The following FGFR1 variants were observed in gnomAD, a reference collection of about 807,000 sequenced individuals.
FGFR1 encodes the protein fibroblast growth factor receptor 1.
A neutral mutation model predicts 93.7 loss-of-function variants in FGFR1; 18 were observed. The ratio of observed to expected loss-of-function variants is 0.19; its 90% confidence interval spans 0.13 to 0.28. The LOEUF (loss-of-function observed/expected upper bound fraction) is 0.28. FGFR1 is among the 10% of genes least tolerant of loss of function. The probability of loss-of-function intolerance (pLI) is 1.00; values close to 1 mark genes in which losing one functional copy is unlikely to be tolerated. For synonymous variants in FGFR1, 448 were observed against 429.3 expected, an observed-to-expected ratio of 1.04 and a Z score of -0.54; for missense variants, 731 against 1,080.4, an observed-to-expected ratio of 0.68 and a Z score of 4.53.
chr8:38,457,568 G>A (rs781387575), intron 1 of FGFR1, 34 bp from the exon 2 acceptor site: 9 of 1,545,990 alleles, frequency 5.8e-6, no homozygotes, highest in Non-Finnish European at 7.0e-6. Context: ...AAAGTTAGGA[G>A]GGTCTAGGTA....
At chr8:38,467,844 G>A (rs1354867690) in intron 1 of FGFR1, 137 bp downstream of exon 1, 1 of 231,526 alleles carries the variant, frequency 4.3e-6, no homozygotes, top group Admixed American at 5.7e-5. Flanking sequence ...GAGGTGAAAG[G>A]GGCGGGCGGC....
At chr8:38,457,611 A>G (rs2151357340) in intron 1 of FGFR1, 77 bp from the exon 2 acceptor site, 1 of 1,434,716 alleles carries the variant, frequency 7.0e-7, no homozygotes, top group South Asian at 1.3e-5. Context: ...AAGGTAAAGT[A>G]TGCCATGTGG....
At chr8:38,414,694 G>A (rs1486723585) in intron 14 of FGFR1, 65 bp from the exon 15 acceptor site, 2 of 1,613,240 alleles carry the variant, frequency 1.2e-6, no homozygotes, top group African/African-American at 2.7e-5. Context: ...AGGTGGGAAG[G>A]GACTGGGGGG....
In FGFR1 at chr8:38,414,911, GAGGA is replaced by G. The variant is rs751366805; in HGVS notation, c.1855-14_1855-11del. ...GGTCTCGGTGTATGCACTGAGGAAG[GAGGA>G]AGGGAGAGCGGGAGGCGGGGAGGTG... On this transcript the variant is annotated splice_polypyrimidine_tract_variant and intron_variant, in intron 13 of 17. Transcript: ENST00000447712. The G allele has an allele frequency of 7.5e-6, 12 of 1,610,172 alleles. No homozygotes were observed. In the Admixed American group the frequency reaches 1.0e-4, roughly 13 times the overall value.
chr8:38,442,836 A>G (rs949264619), intron 2 of FGFR1, among the ~76,000 whole-genome samples: 1 of 152,206 alleles, frequency 6.6e-6, no homozygotes, highest in African/African-American at 2.4e-5. Flanking sequence ...CAAGCCCGAC[A>G]TGGGTGCTTG....
In FGFR1 at chr8:38,424,755, G is replaced by T. The variant is rs1009258549; in HGVS notation, c.746-56C>A. The T allele has an allele frequency of 6.3e-7, 1 of 1,576,240 alleles. No homozygotes were observed. Among genetic ancestry groups the T allele is most frequent in the Non-Finnish European group, 8.7e-7 (1 of 1,154,720 alleles). On this transcript the variant is annotated intron_variant, in intron 6 of 17. Transcript: ENST00000447712. The surrounding 1 kb of genome is among the most constrained non-coding windows in gnomAD (Gnocchi z 4.3). ...ATGGGGACCTTGCCATGGCTAAAGA[G>T]GGGTGGGCTCACCTGCGCCCCACTT... is the stretch of plus-strand genomic sequence containing the variant.
At chr8:38,421,656 G>A (rs933796121) in intron 8 of FGFR1, 141 bp downstream of exon 8, 1 of 893,370 alleles carries the variant, frequency 1.1e-6, no homozygotes, top group Non-Finnish European at 1.9e-6. Flanking sequence ...CCTCAAAGCT[G>A]GGGCAGGATG....
intron 2 of FGFR1, among the ~76,000 whole-genome samples, chr8:38,452,792 T>A (rs546574001): frequency 1.3e-5 from 2 of 152,010 alleles, no homozygotes; most frequent in Non-Finnish European, 2.9e-5. Context: ...CTGGCCAACA[T>A]GGTGAAACCC....
At chr8:38,416,686 C>G (rs888450099) in intron 12 of FGFR1, among the ~76,000 whole-genome samples, 1 of 151,242 alleles carries the variant, frequency 6.6e-6, no homozygotes, top group African/African-American at 2.4e-5. Context: ...AACTCCTGAC[C>G]TCAAGTGATC....
chr8:38,444,474 C>CACCT (rs2151166604), intron 2 of FGFR1, among the ~76,000 whole-genome samples: 1 of 151,874 alleles, frequency 6.6e-6, no homozygotes, highest in Non-Finnish European at 1.5e-5. Context: ...CTGCAGCCTC[C>CACCT]ACCTCCCTGG....
At chr8:38,464,901 G>A (rs1835173503) in intron 1 of FGFR1, among the ~76,000 whole-genome samples, 1 of 152,190 alleles carries the variant, frequency 6.6e-6, no homozygotes, top group South Asian at 2.1e-4. Flanking sequence ...GAAGCCGGCT[G>A]CTAAACCCCC....
At chr8:38,435,101 C>A (rs1473432711) in intron 2 of FGFR1, 1 of 152,178 alleles carries the variant, frequency 6.6e-6, no homozygotes, top group Non-Finnish European at 1.5e-5. Context: ...AACTCCTGAC[C>A]TCAGATGAGC....
In FGFR1 at chr8:38,424,496, G is replaced by A. The variant is rs776478746; in HGVS notation, c.936+13C>T. On this transcript the variant is annotated intron_variant, in intron 7 of 17. Transcript: ENST00000447712. This position sits in a 1 kb window ranked among gnomAD's most constrained non-coding sequence, Gnocchi z 4.3. The stretch of plus-strand genomic sequence containing the variant: ...CCAGTAGACTGGCCCACGAAGACTG[G>A]TGCCATGATTACCTTCAAGATCTGG... The A allele has an allele frequency of 8.1e-6, 13 of 1,613,982 alleles. 1 individual carries two copies. In the South Asian group the frequency reaches 1.1e-4, roughly 14 times the overall value.
At chr8:38,462,376 C>T (rs1340155851) in intron 1 of FGFR1, among the ~76,000 whole-genome samples, 2 of 151,702 alleles carry the variant, frequency 1.3e-5, no homozygotes, top group South Asian at 2.1e-4. Flanking sequence ...CAGTGGCGCG[C>T]GCCTGTAGTC....
intron 1 of FGFR1, chr8:38,463,172 C>G: frequency 6.2e-6 from 1 of 162,128 alleles, no homozygotes. Context: ...TCCCAAAGTG[C>G]TGGGATTACA....
At chr8:38,440,601 A>C (rs1241992169) in intron 2 of FGFR1, among the ~76,000 whole-genome samples, 1 of 151,532 alleles carries the variant, frequency 6.6e-6, no homozygotes, top group Non-Finnish European at 1.5e-5. Context: ...AAATTGAAGA[A>C]AGTGAAAAGA....
intron 5 of FGFR1, among the ~76,000 whole-genome samples, chr8:38,427,392 C>T (rs944950577): frequency 6.6e-6 from 1 of 152,166 alleles, no homozygotes; most frequent in African/African-American, 2.4e-5. Flanking sequence ...CAATCTCCTG[C>T]TTCAGCCTCC....
intron 2 of FGFR1, among the ~76,000 whole-genome samples, chr8:38,455,127 C>T (rs1373990023): frequency 1.3e-5 from 2 of 152,056 alleles, no homozygotes; most frequent in Admixed American, 6.6e-5. Context: ...AAGCATGTGC[C>T]ACCACACCTG....
chr8:38,433,203 G>T (rs1307431670), intron 2 of FGFR1, among the ~76,000 whole-genome samples: 1 of 152,164 alleles, frequency 6.6e-6, no homozygotes, highest in Non-Finnish European at 1.5e-5. Flanking sequence ...GCCAGACTTG[G>T]TGGCACATGC....
Sources: gnomAD v4.1 joint callset for allele counts (sites outside exome capture counted in the v4.1 genomes callset) on GRCh38, gnomAD v4.1.1 for gene constraint, Gnocchi (gnomAD v3.1) non-coding constraint, MANE v1.5 for transcripts, NCBI Gene and HGNC (gene_info 2026-07-23, HGNC 2026-07-21) for gene names.